The following EDARADD variants were observed in gnomAD, a reference collection of about 807,000 sequenced individuals.
The protein encoded by EDARADD is ectodysplasin-A receptor-associated adapter protein.
In EDARADD, 20 loss-of-function variants were observed where a neutral mutation model predicts 25.6. The ratio of observed to expected loss-of-function variants is 0.78; its 90% confidence interval spans 0.55 to 1.14. The LOEUF (loss-of-function observed/expected upper bound fraction) is 1.14. Among genes scored for constraint, EDARADD ranks in the 50% most tolerant of loss-of-function variants. The pLI, the probability that EDARADD is intolerant of heterozygous loss-of-function variation, is 0.00. For missense variants in EDARADD, 225 were observed against 270.1 expected (o/e 0.83, Z 1.17); for synonymous variants, 86 against 94.4 (o/e 0.91, Z 0.52).
In EDARADD at chr1:236,431,526, A is replaced by G. The variant is rs1658093448; in HGVS notation, c.219+4076A>G. Among the ~76,000 whole-genome samples, 3 of 152,372 alleles carry G rather than the reference A, an allele frequency of 2.0e-5. No individual in the cohort carries two copies. The Middle Eastern group carries it at 0.01, about 518-fold the overall frequency. On this transcript the variant is annotated intron_variant, in intron 4 of 5. Transcript: ENST00000334232. Reference sequence around the variant, plus strand: ...CATCTACTAGAACTATTCAACTTCTACAACTTATTACAACTGGTATTTATT... The same window carrying G: ...CATCTACTAGAACTATTCAACTTCTGCAACTTATTACAACTGGTATTTATT...
rs1419251139 is a variant in EDARADD at position 236,414,315 on chromosome 1, A to G, written c.160+16A>G. On this transcript the variant is annotated intron_variant, in intron 3 of 5. Coordinates refer to ENST00000334232, the MANE Select transcript of EDARADD (RefSeq NM_145861.4). The stretch of plus-strand genomic sequence containing the variant: ...CTCCCTAAAGGTATGTACAGTTAAA[A>G]TAACTACTTGAACATGTGATTATTT... 4 of 1,591,188 alleles carry G rather than the reference A, an allele frequency of 2.5e-6. No individual in the cohort carries two copies. The highest frequency in any genetic ancestry group is 3.3e-5 in the Admixed American group (2 of 59,850).
intron 3 of EDARADD, among the ~76,000 whole-genome samples, chr1:236,354,812 G>T (rs1314892114): frequency 6.6e-6 from 1 of 152,162 alleles, no homozygotes; most frequent in African/African-American, 2.4e-5. Flanking sequence ...AACGTAAAGA[G>T]CCAAATTCCA....
At chr1:236,366,741 C>CTCTTTTTTTTTTTTT (rs146073425) in intron 3 of EDARADD, among the ~76,000 whole-genome samples, 22,520 of 140,088 alleles carry the variant, frequency 0.16, 1,980 homozygotes, top group East Asian at 0.31. Flanking sequence ...TCATCTCTCT[C>CTCTTTTTTTTTTTTT]TTTTTTTTGT....
chr1:236,473,736 G>T (rs1266711917), intron 5 of EDARADD, among the ~76,000 whole-genome samples: 1 of 152,130 alleles, frequency 6.6e-6, no homozygotes, highest in Admixed American at 6.5e-5. Context: ...AGTGAGGCGT[G>T]ATTGTGCCAC....
At chr1:236,456,545 C>T (rs1658869759) in intron 4 of EDARADD, among the ~76,000 whole-genome samples, 1 of 152,100 alleles carries the variant, frequency 6.6e-6, no homozygotes, top group Non-Finnish European at 1.5e-5. Flanking sequence ...TGACATCTCA[C>T]TTTCTCTAGA....
At chr1:236,482,158 C>A in intron 5 of EDARADD, 109 bp from the exon 6 acceptor site, 18 of 1,217,276 alleles carry the variant, frequency 1.5e-5, no homozygotes, top group Non-Finnish European at 2.2e-5. Flanking sequence ...CTGAAATAGT[C>A]TTCCATATGA....
At chr1:236,402,896 G>A (rs183888387) in intron 1 of EDARADD, among the ~76,000 whole-genome samples, 10 of 152,318 alleles carry the variant, frequency 6.6e-5, no homozygotes, top group Admixed American at 2.6e-4. Context: ...GAGACTGTGT[G>A]TAAGCCATGC....
chr1:236,468,361 T>C (rs1659273800), intron 5 of EDARADD, 85 bp downstream of exon 5: 1 of 1,427,288 alleles, frequency 7.0e-7, no homozygotes, highest in East Asian at 2.3e-5. Flanking sequence ...CGGTGACTCA[T>C]GCCTGTAATT....
At chr1:236,461,898 C>T (rs1659048382) in intron 4 of EDARADD, among the ~76,000 whole-genome samples, 1 of 152,186 alleles carries the variant, frequency 6.6e-6, no homozygotes, top group Admixed American at 6.5e-5. Flanking sequence ...GCATGTTTCA[C>T]ATTAAACTAG....
chr1:236,482,594 G>A lies in EDARADD; in HGVS notation c.593G>A (p.Trp198Ter). The A allele has an allele frequency of 1.9e-6, 3 of 1,612,830 alleles. No homozygotes were observed. Among genetic ancestry groups the A allele is most frequent in the Non-Finnish European group, 2.5e-6 (3 of 1,180,028 alleles). The change falls in exon 6 of 6, where the codon TGG (tryptophan) becomes TAG (stop). Residue 198 changes from tryptophan (W) to a stop codon, truncating the protein, a stop_gained. Coordinates refer to ENST00000334232, the MANE Select transcript of EDARADD (RefSeq NM_145861.4). LOFTEE classifies it high-confidence loss of function. ...RADVEKVLRR[W>*]VDEEWPKRER... is the part of the protein sequence containing the mutation. ...GACGTGGAGAAGGTTCTGCGCAGGT[G>A]GGTGGACGAGGAGTGGCCCAAGCGG...
At chr1:236,355,310 C>T (rs1666960707) in intron 3 of EDARADD, among the ~76,000 whole-genome samples, 1 of 152,060 alleles carries the variant, frequency 6.6e-6, no homozygotes, top group South Asian at 2.1e-4. Context: ...CTCATTCCAT[C>T]ACTTCTTTTT....
intron 3 of EDARADD, among the ~76,000 whole-genome samples, chr1:236,418,008 C>T (rs1224807281): frequency 6.8e-6 from 1 of 147,252 alleles, no homozygotes; most frequent in African/African-American, 2.5e-5. Flanking sequence ...GGCTGGAGTG[C>T]AGTGGTGCGA....
At chr1:236,374,975 T>A (rs1011900465) in intron 3 of EDARADD, among the ~76,000 whole-genome samples, 1 of 150,472 alleles carries the variant, frequency 6.6e-6, no homozygotes, top group South Asian at 2.1e-4. Flanking sequence ...TTGTTCCTAT[T>A]TTTGTCTTCT....
At chr1:236,391,586 C>T (rs1667425979), upstream of EDARADD, among the ~76,000 whole-genome samples, 1 of 152,142 alleles carries the variant, frequency 6.6e-6, no homozygotes. Context: ...TTGAGCAGCC[C>T]AGTTTGCTGG....
intron 4 of EDARADD, among the ~76,000 whole-genome samples, chr1:236,428,917 C>T (rs1202035211): frequency 4.6e-5 from 7 of 152,076 alleles, no homozygotes; most frequent in Non-Finnish European, 1.0e-4. Flanking sequence ...GCAGATCACT[C>T]GCGGTCAGGA....
At chr1:236,437,114 G>T (rs191775831) in intron 4 of EDARADD, among the ~76,000 whole-genome samples, 1 of 152,288 alleles carries the variant, frequency 6.6e-6, no homozygotes, top group East Asian at 1.9e-4. Flanking sequence ...AGTGTTTGTG[G>T]ATGCTCCAAT....
chr1:236,400,831 A>G (rs1667601257), intron 1 of EDARADD, among the ~76,000 whole-genome samples: 1 of 149,738 alleles, frequency 6.7e-6, no homozygotes, highest in Admixed American at 6.7e-5. Flanking sequence ...AAGTGCTGGG[A>G]TTATAGGAGT....
At chr1:236,425,797 A>G (rs1657899778) in intron 3 of EDARADD, among the ~76,000 whole-genome samples, 1 of 152,196 alleles carries the variant, frequency 6.6e-6, no homozygotes, top group African/African-American at 2.4e-5. Flanking sequence ...AGCATTGCAT[A>G]GGCCAGAGTG....
intron 3 of EDARADD, among the ~76,000 whole-genome samples, chr1:236,377,954 G>C (rs1337508048): frequency 6.6e-6 from 1 of 152,016 alleles, no homozygotes; most frequent in East Asian, 1.9e-4. Flanking sequence ...TGATATACTG[G>C]GTAAAAGGAA....
Sources: allele counts gnomAD v4.1 joint callset (sites outside exome capture counted in the v4.1 genomes callset), GRCh38; gene constraint gnomAD v4.1.1; transcripts MANE v1.5; gene names NCBI Gene and HGNC (gene_info 2026-07-23, HGNC 2026-07-21).